Variants in GFRA2 observed in about 807,000 individuals in gnomAD.
The protein encoded by GFRA2 is GDNF family receptor alpha 2.
GFRA2 carries 17 observed loss-of-function variants against 48.3 expected under a neutral mutation model. The observed-to-expected ratio is 0.35, with a 90% CI of 0.24 to 0.53. GFRA2 has a LOEUF of 0.53. GFRA2 is among the 20% of genes least tolerant of loss of function. The pLI is 0.93. For synonymous variants in GFRA2, 305 were observed against 257.2 expected (o/e 1.19, Z -1.78); for missense variants, 660 against 637.3 (o/e 1.04, Z -0.38).
At chr8:21,737,891 G>C (rs1352835729) in intron 4 of GFRA2, among the ~76,000 whole-genome samples, 1 of 152,114 alleles carries the variant, frequency 6.6e-6, no homozygotes, top group African/African-American at 2.4e-5. Flanking sequence ...CTCCCCAAAC[G>C]AGCTGAAACA....
At chr8:21,808,406 A>G (rs978734178) in intron 1 of GFRA2, among the ~76,000 whole-genome samples, 11 of 152,334 alleles carry the variant, frequency 7.2e-5, no homozygotes, top group South Asian at 4.1e-4. Context: ...CAGCATTGCT[A>G]TGATGGAGGA....
chr8:21,769,717 T>C (rs2117686044), intron 3 of GFRA2, among the ~76,000 whole-genome samples: 2 of 152,120 alleles, frequency 1.3e-5, no homozygotes, highest in East Asian at 3.9e-4. Flanking sequence ...GACCAACACG[T>C]ACAATCGCAC....
At chr8:21,795,702 A>G (rs1807661766) in intron 2 of GFRA2, among the ~76,000 whole-genome samples, 1 of 152,182 alleles carries the variant, frequency 6.6e-6, no homozygotes, top group Non-Finnish European at 1.5e-5. Context: ...CTCAGGGAAC[A>G]AACTCACTCT....
In GFRA2 at chr8:21,702,930, G is replaced by T; in HGVS notation, c.1093C>A (p.Pro365Thr). ...GTGGCCTGGAACGAGGGGCCTTTTG[G>T]GGACACGTTCACGTCCGTGCCGTTG... ...FGNGTDVNVS[P>T]KGPSFQATQA... Residue 365 changes from proline (P) to threonine (T), a missense_variant, in exon 7 of 9, where the codon CCA (proline) becomes ACA (threonine). Pro to Thr is a conservative substitution (Grantham distance 38). Coordinates refer to ENST00000524240, the MANE Select transcript of GFRA2 (RefSeq NM_001495.5). 2 of 1,578,954 alleles carry T rather than the reference G, an allele frequency of 1.3e-6. No homozygotes were observed. The highest frequency in any genetic ancestry group is 2.3e-5 in the East Asian group (1 of 44,092).
At chr8:21,786,695 T>C (rs977151948) in intron 1 of GFRA2, among the ~76,000 whole-genome samples, 2 of 152,114 alleles carry the variant, frequency 1.3e-5, no homozygotes, top group African/African-American at 2.4e-5. Context: ...ACTTGCCCCC[T>C]TGGGGACTCG....
intron 4 of GFRA2, among the ~76,000 whole-genome samples, chr8:21,720,009 A>T (rs77689407): frequency 0.03 from 4,500 of 151,240 alleles, 91 homozygotes; most frequent in East Asian, 0.087. Context: ...AAAGACCCAG[A>T]CCCCCTCCCC....
intron 2 of GFRA2, among the ~76,000 whole-genome samples, chr8:21,798,270 G>A (rs1188614341): frequency 6.6e-6 from 1 of 152,156 alleles, no homozygotes; most frequent in Non-Finnish European, 1.5e-5. Context: ...CAGACATGCT[G>A]CCAGCCCAGA....
At position 21,710,630 on chromosome 8, in the gene GFRA2, G is replaced by A. The variant is rs145626496; in HGVS notation, c.795-4589C>T. ...CTCAGGGCCCCTTGGCTAGGCCCCC[G>A]GGTGACCACTGACAAGAGCACCCCC... On this transcript the variant is annotated intron_variant, in intron 4 of 8. Transcript: ENST00000524240. 1.1e-3 allele frequency among the ~76,000 whole-genome samples: 170 copies of A among 152,244 alleles called. 1 individual carries two copies. Among genetic ancestry groups the A allele is most frequent in the African/African-American group, 3.8e-3 (159 of 41,546 alleles).
At chr8:21,739,298 C>T (rs1444596912) in intron 4 of GFRA2, among the ~76,000 whole-genome samples, 1 of 152,140 alleles carries the variant, frequency 6.6e-6, no homozygotes, top group African/African-American at 2.4e-5. Flanking sequence ...CCTCCAACAC[C>T]CCTTCCCTGA....
intron 1 of GFRA2, among the ~76,000 whole-genome samples, chr8:21,784,522 G>A (rs1377529137): frequency 3.9e-5 from 6 of 152,134 alleles, no homozygotes; most frequent in East Asian, 1.9e-4. Flanking sequence ...GGGAGACAGC[G>A]ACACCTAAAG....
intron 4 of GFRA2, among the ~76,000 whole-genome samples, chr8:21,709,182 G>A (rs927529396): frequency 6.6e-6 from 1 of 152,200 alleles, no homozygotes; most frequent in Non-Finnish European, 1.5e-5. Flanking sequence ...TAATGCAGGA[G>A]TCCATTCTAA....
At chr8:21,807,801 G>C (rs1320435562) in intron 1 of GFRA2, among the ~76,000 whole-genome samples, 1 of 152,150 alleles carries the variant, frequency 6.6e-6, no homozygotes, top group Non-Finnish European at 1.5e-5. Flanking sequence ...TACCGACTAG[G>C]GAAAGTTGAC....
Position 21,787,350 on chromosome 8 carries a change from C to T in GFRA2, c.40+770G>A, listed in dbSNP as rs979861317. 4.0e-3 allele frequency among the ~76,000 whole-genome samples: 607 copies of T among 151,978 alleles called. 4 individuals are homozygous for T. The highest frequency in any genetic ancestry group is 0.014 in the African/African-American group (560 of 41,442). On this transcript the variant is annotated intron_variant, in intron 1 of 8. Coordinates refer to ENST00000524240, the MANE Select transcript of GFRA2 (RefSeq NM_001495.5). The stretch of plus-strand genomic sequence containing the variant: ...CTCCCTCGCCTCCCACCCTCTTCAA[C>T]GGAGAAAGCAAACTTTGGCCTCCCT...
chr8:21,752,912 C>T (rs1429125733), intron 3 of GFRA2, among the ~76,000 whole-genome samples: 3 of 152,192 alleles, frequency 2.0e-5, no homozygotes, highest in African/African-American at 7.2e-5. Context: ...CACTTCTCAC[C>T]ACCGCCACTG....
At chr8:21,759,778 A>G (rs1477888245) in intron 3 of GFRA2, among the ~76,000 whole-genome samples, 2 of 151,376 alleles carry the variant, frequency 1.3e-5, no homozygotes, top group Non-Finnish European at 2.9e-5. Context: ...AATCCCAGCT[A>G]CTCAGGAGGC....
chr8:21,711,616 C>G (rs952352599), intron 4 of GFRA2, among the ~76,000 whole-genome samples: 2 of 151,376 alleles, frequency 1.3e-5, no homozygotes, highest in Non-Finnish European at 2.9e-5. Context: ...GAATTTCAGA[C>G]AATGAATATC....
chr8:21,705,328 C>G (rs1452111060), intron 5 of GFRA2, among the ~76,000 whole-genome samples: 2 of 152,130 alleles, frequency 1.3e-5, no homozygotes, highest in East Asian at 3.9e-4. Flanking sequence ...GCAGAGGGGC[C>G]AGCAGCATAG....
chr8:21,798,028 A>G (rs1807708057), intron 2 of GFRA2, among the ~76,000 whole-genome samples: 1 of 152,150 alleles, frequency 6.6e-6, no homozygotes, highest in African/African-American at 2.4e-5. Context: ...CGTCCAGTCC[A>G]CACAGTGGGC....
chr8:21,774,798 G>A (rs1446967188), intron 3 of GFRA2, among the ~76,000 whole-genome samples, 174 bp downstream of exon 3: 2 of 152,158 alleles, frequency 1.3e-5, no homozygotes, highest in African/African-American at 4.8e-5. Flanking sequence ...CCAGGGAGGT[G>A]GGCATCGTGT....
Sources: gnomAD v4.1 joint callset for allele counts (sites outside exome capture counted in the v4.1 genomes callset) on GRCh38, gnomAD v4.1.1 for gene constraint, MANE v1.5 for transcripts, NCBI Gene and HGNC (gene_info 2026-07-23, HGNC 2026-07-21) for gene names.